The following DLG2 variants were observed in gnomAD, a reference collection of about 807,000 sequenced individuals.
The protein encoded by DLG2 is disks large homolog 2.
Under a neutral mutation model 132.5 loss-of-function variants are expected in DLG2, and 45 were observed. That is an observed-to-expected ratio of 0.34 (90% CI 0.27 to 0.44). The LOEUF is 0.44. Ranked by LOEUF, DLG2 falls within the 20% of genes least tolerant of loss-of-function variation. The probability of loss-of-function intolerance (pLI) is 1.00; values close to 1 mark genes in which losing one functional copy is unlikely to be tolerated. For missense variants in DLG2, 1,045 were observed against 1,196.9 expected, an observed-to-expected ratio of 0.87 and a Z score of 1.87; for synonymous variants, 424 against 419.6, an observed-to-expected ratio of 1.01 and a Z score of -0.13.
intron 8 of DLG2, among the ~76,000 whole-genome samples, chr11:84,210,001 G>A (rs1375892283): frequency 6.6e-6 from 1 of 152,162 alleles, no homozygotes; most frequent in Non-Finnish European, 1.5e-5. Context: ...AAATAAATTA[G>A]ACTGGGTATG....
intron 18 of DLG2, among the ~76,000 whole-genome samples, chr11:83,763,463 A>G (rs1044417503): frequency 1.3e-5 from 2 of 152,154 alleles, no homozygotes; most frequent in African/African-American, 4.8e-5. Context: ...TTTTGCTTGC[A>G]TTGCAAATTG....
intron 15 of DLG2, among the ~76,000 whole-genome samples, chr11:83,908,236 A>T (rs1200166230): frequency 2.0e-5 from 3 of 152,184 alleles, no homozygotes; most frequent in Non-Finnish European, 2.9e-5. Flanking sequence ...TGGTCACTAC[A>T]TGTATGAATA....
chr11:85,041,868 C>T (rs1159303271), intron 6 of DLG2, among the ~76,000 whole-genome samples: 1 of 151,838 alleles, frequency 6.6e-6, no homozygotes, highest in Non-Finnish European at 1.5e-5. Flanking sequence ...AGATGAGCAG[C>T]TCTCTATGAG....
intron 7 of DLG2, among the ~76,000 whole-genome samples, chr11:84,328,336 G>C (rs1205265879): frequency 6.6e-6 from 1 of 151,976 alleles, no homozygotes; most frequent in Non-Finnish European, 1.5e-5. Context: ...AGAAAGGAAA[G>C]GAAGGAGGGA....
In DLG2 at chr11:83,747,941, A is replaced by T. The variant is rs189787022; in HGVS notation, c.1825+38749T>A. Among the ~76,000 whole-genome samples, 17 of 152,332 alleles carry T rather than the reference A, an allele frequency of 1.1e-4. No individual in the cohort carries two copies. In the East Asian group the frequency reaches 2.5e-3, roughly 22 times the overall value. On this transcript the variant is annotated intron_variant, in intron 18 of 27. Coordinates refer to ENST00000376104, the MANE Select transcript of DLG2 (RefSeq NM_001142699.3). ...ACTAACTCCTTGTAATAATCATATG[A>T]CATAGGTATTGTTATTAGCTCCACT...
chr11:84,653,788 A>G (rs2099684899), intron 6 of DLG2, among the ~76,000 whole-genome samples: 1 of 152,164 alleles, frequency 6.6e-6, no homozygotes, highest in South Asian at 2.1e-4. Flanking sequence ...AGTGTCAGGC[A>G]TTCTCTTGGC....
chr11:83,507,520 C>A (rs2094773383), intron 21 of DLG2, among the ~76,000 whole-genome samples: 2 of 140,656 alleles, frequency 1.4e-5, no homozygotes, highest in Non-Finnish European at 3.1e-5. Flanking sequence ...ATATATATAT[C>A]CATATATATA....
In DLG2 at chr11:84,525,476, A is replaced by T. The variant is rs987819435; in HGVS notation, c.519+9094T>A. Among the ~76,000 whole-genome samples the T allele has an allele frequency of 3.3e-5, 5 of 152,002 alleles. 1 individual carries two copies. Among genetic ancestry groups the T allele is most frequent in the Middle Eastern group, 6.8e-3 (2 of 294 alleles). On this transcript the variant is annotated intron_variant, in intron 7 of 27. Transcript: ENST00000376104. ...ATATGTAATATGTCTCAATGTCCTG[A>T]TGATATCTCTTTTTAAATAAGCCTT...
intron 19 of DLG2, among the ~76,000 whole-genome samples, chr11:83,618,712 C>T (rs1052943731): frequency 1.7e-4 from 26 of 152,128 alleles, no homozygotes; most frequent in Admixed American, 1.2e-3. Context: ...TAGAATTCTA[C>T]AGGACTTATC....
intron 12 of DLG2, among the ~76,000 whole-genome samples, chr11:83,974,014 A>G (rs1721264256): frequency 6.6e-6 from 1 of 152,100 alleles, no homozygotes. Context: ...TGACTGTCCT[A>G]ACTACCTCTC....
chr11:83,594,140 C>A (rs573590493), intron 19 of DLG2, among the ~76,000 whole-genome samples: 2 of 152,332 alleles, frequency 1.3e-5, no homozygotes, highest in South Asian at 4.1e-4. Flanking sequence ...TAGGCAGGGC[C>A]CTGTGGCATG....
chr11:84,194,050 C>G (rs939377108), intron 8 of DLG2, among the ~76,000 whole-genome samples: 30 of 152,164 alleles, frequency 2.0e-4, no homozygotes, highest in African/African-American at 7.2e-4. Context: ...AATTCTTCAT[C>G]CTATTTCACC....
chr11:85,571,985 G>C (rs1490340897), intron 3 of DLG2, among the ~76,000 whole-genome samples: 1 of 152,034 alleles, frequency 6.6e-6, no homozygotes, highest in East Asian at 1.9e-4. Context: ...TGCTGATCTG[G>C]GAAACATAAG....
chr11:85,318,408 T>A (rs1018526021), intron 3 of DLG2, among the ~76,000 whole-genome samples: 3 of 151,810 alleles, frequency 2.0e-5, no homozygotes, highest in Non-Finnish European at 4.4e-5. Context: ...AGTAGACTCA[T>A]GATATAAATA....
intron 3 of DLG2, among the ~76,000 whole-genome samples, chr11:85,313,343 G>A (rs1157021952): frequency 6.6e-6 from 1 of 151,940 alleles, no homozygotes; most frequent in East Asian, 1.9e-4. Flanking sequence ...ACCATGTACA[G>A]TCACATTAGA....
Position 85,309,462 on chromosome 11 carries a change from A to G in DLG2, c.41-24097T>C, listed in dbSNP as rs1304734820. 2.0e-5 allele frequency among the ~76,000 whole-genome samples: 3 copies of G among 152,194 alleles called. 1 individual carries two copies. The highest frequency in any genetic ancestry group is 2.0e-4 in the Admixed American group (3 of 15,272). ...AAAAAAAATTAGCATGAAGTCAATA[A>G]AAAGTCATTCTCCAGTAAAACCAAG... On this transcript the variant is annotated intron_variant, in intron 3 of 27. Transcript: ENST00000376104.
At chr11:83,505,129 C>G (rs552937882) in intron 21 of DLG2, among the ~76,000 whole-genome samples, 3 of 152,290 alleles carry the variant, frequency 2.0e-5, no homozygotes, top group Non-Finnish European at 1.5e-5. Context: ...GACAGGCATA[C>G]CCATATCCAG....
chr11:83,631,869 C>T (rs2063622426), intron 19 of DLG2: 1 of 152,108 alleles, frequency 6.6e-6, no homozygotes, highest in Admixed American at 6.6e-5. Flanking sequence ...TTTAAAAATA[C>T]TTTGTAGCAT....
chr11:84,143,309 GT>G (rs1210471284), intron 9 of DLG2, among the ~76,000 whole-genome samples: 5 of 152,102 alleles, frequency 3.3e-5, no homozygotes, highest in Non-Finnish European at 7.4e-5. Flanking sequence ...TATTAGCTGG[GT>G]TTTGAATGAT....
Sources: gnomAD v4.1 joint callset for allele counts (sites outside exome capture counted in the v4.1 genomes callset) on GRCh38, gnomAD v4.1.1 for gene constraint, MANE v1.5 for transcripts, NCBI Gene and HGNC (gene_info 2026-07-23, HGNC 2026-07-21) for gene names.